SCOC: variants seen among roughly 807,000 people sequenced by gnomAD.
SCOC encodes the protein short coiled-coil protein, also known as short coiled coil protein.
SCOC carries 7 observed loss-of-function variants against 9.9 expected under a neutral mutation model. That is an observed-to-expected ratio of 0.71 (90% CI 0.40 to 1.33). SCOC has a LOEUF of 1.33. Ranked by LOEUF, SCOC falls within the 40% of genes most tolerant of loss-of-function variation. SCOC has a pLI of 0.01. For missense variants in SCOC, 66 were observed against 89.7 expected (o/e 0.74, Z 1.07); for synonymous variants, 19 against 28.2 (o/e 0.67, Z 1.03).
chr4:140,272,135 C>T (rs994324213), intron 1 of SCOC, among the ~76,000 whole-genome samples: 33 of 151,374 alleles, frequency 2.2e-4, no homozygotes, highest in Middle Eastern at 3.4e-3. Context: ...TGGCTCACTG[C>T]AGGCTTGACC....
At chr4:140,278,405 T>A (rs1307946789) in intron 1 of SCOC, among the ~76,000 whole-genome samples, 2 of 152,042 alleles carry the variant, frequency 1.3e-5, no homozygotes, top group Non-Finnish European at 2.9e-5. Context: ...GTTCACGCCA[T>A]TCTCCTGCCT....
chr4:140,373,441 G>C, upstream of SCOC: 2 of 1,524,182 alleles, frequency 1.3e-6, no homozygotes, highest in Non-Finnish European at 1.8e-6. Context: ...CGCCCACAGC[G>C]ACCTCAATCC....
chr4:140,354,854 C>G (rs1433518296), intron 2 of SCOC, among the ~76,000 whole-genome samples: 2 of 151,854 alleles, frequency 1.3e-5, no homozygotes, highest in African/African-American at 2.4e-5. Flanking sequence ...TTTGGAAATC[C>G]TAGTTAACTA....
chr4:140,355,308 G>T (rs1727178968), intron 2 of SCOC, among the ~76,000 whole-genome samples: 1 of 149,818 alleles, frequency 6.7e-6, no homozygotes, highest in South Asian at 2.1e-4. Context: ...TCTCTTAGGT[G>T]CATAATGATA....
chr4:140,303,453 CA>C (rs1731871745), intron 1 of SCOC, among the ~76,000 whole-genome samples: 1 of 152,198 alleles, frequency 6.6e-6, no homozygotes, highest in African/African-American at 2.4e-5. Context: ...TATTGGAGCC[CA>C]GGGGTGACTA....
At chr4:140,305,392 C>G (rs939871198) in intron 1 of SCOC, among the ~76,000 whole-genome samples, 7 of 152,164 alleles carry the variant, frequency 4.6e-5, no homozygotes, top group African/African-American at 7.2e-5. Flanking sequence ...GCTGGAGGGA[C>G]AGAGGGAAGG....
chr4:140,344,122 C>A (rs960281360), intron 2 of SCOC, among the ~76,000 whole-genome samples: 2 of 152,102 alleles, frequency 1.3e-5, no homozygotes, highest in African/African-American at 2.4e-5. Context: ...AGGATTATTG[C>A]AGAAAATGTC....
At position 140,348,516 on chromosome 4, in the gene SCOC, G is replaced by T. The variant is rs78594048; in HGVS notation, c.70+4808G>T. 8.0e-5 allele frequency among the ~76,000 whole-genome samples: 12 copies of T among 150,482 alleles called. No homozygotes were observed. In the East Asian group the frequency reaches 2.3e-3, roughly 29 times the overall value. ...CTGAATTCTTCCACTATATGTATGT[G>T]TGTGTGTGAGTGTGTGTATATGTAT... On this transcript the variant is annotated intron_variant, in intron 2 of 4. Transcript: ENST00000338517.
intron 1 of SCOC, among the ~76,000 whole-genome samples, chr4:140,269,635 A>C (rs1188377322): frequency 6.6e-6 from 1 of 152,166 alleles, no homozygotes; most frequent in Non-Finnish European, 1.5e-5. Flanking sequence ...AAATCATGAG[A>C]TATAATAAAA....
At chr4:140,260,323 G>A (rs906780887) in intron 1 of SCOC, among the ~76,000 whole-genome samples, 4 of 152,130 alleles carry the variant, frequency 2.6e-5, no homozygotes, top group Admixed American at 6.5e-5. Flanking sequence ...ACAAACTAGC[G>A]AAGCCATTTT....
chr4:140,285,455 C>T (rs1731239275), intron 1 of SCOC, among the ~76,000 whole-genome samples: 1 of 152,128 alleles, frequency 6.6e-6, no homozygotes, highest in African/African-American at 2.4e-5. Flanking sequence ...GGCCAAGGGG[C>T]CAGTATCTCA....
intron 1 of SCOC, among the ~76,000 whole-genome samples, chr4:140,305,424 A>AAT (rs1331026210): frequency 3.3e-5 from 5 of 152,236 alleles, no homozygotes; most frequent in Non-Finnish European, 7.3e-5. Context: ...CAGCAAAAGA[A>AAT]ATAGCAGACA....
At chr4:140,257,632 T>C (rs990750771) in intron 1 of SCOC, among the ~76,000 whole-genome samples, 9 of 152,308 alleles carry the variant, frequency 5.9e-5, no homozygotes, top group Admixed American at 2.0e-4. Context: ...AGGTCAGTTA[T>C]TTAACCTGTC....
intron 1 of SCOC, among the ~76,000 whole-genome samples, chr4:140,288,706 C>A (rs948373742): frequency 2.6e-5 from 4 of 151,984 alleles, no homozygotes; most frequent in Non-Finnish European, 5.9e-5. Context: ...TGCCCCAACA[C>A]CCTACACACA....
At chr4:140,291,671 C>T in intron 1 of SCOC, 1 of 373,076 alleles carries the variant, frequency 2.7e-6, no homozygotes. Context: ...AATAAAATCA[C>T]ATCAGGCACT....
At chr4:140,323,630 T>C (rs564918483) in intron 1 of SCOC, among the ~76,000 whole-genome samples, 1 of 152,126 alleles carries the variant, frequency 6.6e-6, no homozygotes, top group Non-Finnish European at 1.5e-5. Flanking sequence ...GTTCAACAAT[T>C]TAGATAAAAT....
At chr4:140,262,552 G>A (rs1730654546) in intron 1 of SCOC, among the ~76,000 whole-genome samples, 1 of 152,178 alleles carries the variant, frequency 6.6e-6, no homozygotes, top group African/African-American at 2.4e-5. Flanking sequence ...CTGCTATAGA[G>A]TGTTGGGCTC....
intron 1 of SCOC, chr4:140,376,598 A>AG (rs1728355653): frequency 6.6e-6 from 1 of 152,056 alleles, no homozygotes; most frequent in Non-Finnish European, 1.5e-5. Context: ...CCTAATCTTG[A>AG]GTGTAAGAGT....
intron 1 of SCOC, among the ~76,000 whole-genome samples, chr4:140,332,587 C>T (rs557312846): frequency 6.6e-6 from 1 of 152,034 alleles, no homozygotes; most frequent in East Asian, 1.9e-4. Flanking sequence ...CCATGTTGGC[C>T]GGGATGGTTT....
Sources: allele counts gnomAD v4.1 joint callset (sites outside exome capture counted in the v4.1 genomes callset), GRCh38; gene constraint gnomAD v4.1.1; transcripts MANE v1.5; gene names NCBI Gene and HGNC (gene_info 2026-07-23, HGNC 2026-07-21).